The following SBF2 variants were observed in gnomAD, a reference collection of about 807,000 sequenced individuals.
SBF2 encodes the protein myotubularin-related protein 13.
A neutral mutation model predicts 225.2 loss-of-function variants in SBF2; 112 were observed. That is an observed-to-expected ratio of 0.50 (90% CI 0.43 to 0.58). The LOEUF (loss-of-function observed/expected upper bound fraction) is 0.58, where lower values mean the gene tolerates loss of function less well. SBF2 is among the 20% of genes least tolerant of loss of function. The pLI is 0.00. For synonymous variants in SBF2, 763 were observed against 773.3 expected, an observed-to-expected ratio of 0.99 and a Z score of 0.22; for missense variants, 1,996 against 2,206.2, an observed-to-expected ratio of 0.90 and a Z score of 1.91.
rs56057774 is a variant in SBF2 at position 9,782,874 on chromosome 11, G to GA, written c.5320-1237dup. Among the ~76,000 whole-genome samples the GA allele has an allele frequency of 6.6e-4, 76 of 114,814 alleles. 1 individual carries two copies. The highest frequency in any genetic ancestry group is 2.3e-3 in the East Asian group (9 of 3,948). The allele number at this position is 114,814 out of a possible 152,430, so 75.3% of individuals were successfully genotyped here. A position where few individuals can be genotyped will look rare whatever the true frequency, so the allele number is the denominator to read the frequency against. ...GACAAAGCGAGACTCTGTCTCAAAA[G>GA]AAAAAAAAAAAAAAAGAAAAAAGGA... On this transcript the variant is annotated intron_variant, in intron 38 of 39. Transcript: ENST00000256190.
chr11:9,950,864 T>C, intron 16 of SBF2, among the ~76,000 whole-genome samples: 1 of 152,232 alleles, frequency 6.6e-6, no homozygotes, highest in East Asian at 1.9e-4. Flanking sequence ...AACACATTCA[T>C]TTATTCATTT....
chr11:10,237,301 C>G (rs1362785441), intron 1 of SBF2, among the ~76,000 whole-genome samples: 2 of 152,062 alleles, frequency 1.3e-5, no homozygotes, highest in Non-Finnish European at 2.9e-5. Context: ...GAGCTGAGAG[C>G]GTGCCACTGC....
chr11:10,210,538 T>A (rs1957901140), intron 1 of SBF2, among the ~76,000 whole-genome samples: 1 of 151,658 alleles, frequency 6.6e-6, no homozygotes, highest in African/African-American at 2.4e-5. Context: ...AACACAAGAG[T>A]TTTATTTCTA....
intron 2 of SBF2, among the ~76,000 whole-genome samples, chr11:10,155,908 G>A (rs1267769869): frequency 6.6e-6 from 1 of 152,258 alleles, no homozygotes; most frequent in Non-Finnish European, 1.5e-5. Context: ...AGGAGCCCCT[G>A]TGGGGATGCC....
intron 2 of SBF2, among the ~76,000 whole-genome samples, chr11:10,118,554 T>C (rs1953275292): frequency 6.6e-6 from 1 of 152,124 alleles, no homozygotes; most frequent in Admixed American, 6.5e-5. Context: ...AGAAAATATT[T>C]ACAAAGAATT....
intron 2 of SBF2, among the ~76,000 whole-genome samples, chr11:10,097,275 C>T (rs1375796121): frequency 6.6e-6 from 1 of 152,222 alleles, no homozygotes; most frequent in East Asian, 1.9e-4. Flanking sequence ...AAACTTTCTG[C>T]AACCTTTAAG....
intron 2 of SBF2, among the ~76,000 whole-genome samples, chr11:10,185,755 T>A (rs1161357301): frequency 6.6e-5 from 10 of 152,142 alleles, no homozygotes; most frequent in Non-Finnish European, 1.2e-4. Flanking sequence ...TCGTACTTTT[T>A]AACAGCTGTA....
At position 10,053,771 on chromosome 11, in the gene SBF2, T is replaced by A. The variant is rs1279018388; in HGVS notation, c.142-10790A>T. Among the ~76,000 whole-genome samples, 13 of 149,924 alleles carry A rather than the reference T, an allele frequency of 8.7e-5. No homozygotes were observed. The East Asian group carries it at 2.5e-3, about 29-fold the overall frequency. On this transcript the variant is annotated intron_variant, in intron 2 of 39. Transcript: ENST00000256190. ...CTTGTCTCGGAAAAAAAAAAAAAAATTAACCAAGAGTAGTGGCATGCACCT... is the reference window on the plus strand; with the variant it reads ...CTTGTCTCGGAAAAAAAAAAAAAAAATAACCAAGAGTAGTGGCATGCACCT...
At chr11:10,143,122 C>T (rs1954723987) in intron 2 of SBF2, among the ~76,000 whole-genome samples, 1 of 152,078 alleles carries the variant, frequency 6.6e-6, no homozygotes, top group Non-Finnish European at 1.5e-5. Flanking sequence ...ATACGGTGGG[C>T]CCCCATCCTT....
intron 16 of SBF2, among the ~76,000 whole-genome samples, chr11:9,945,061 C>T (rs1865485863): frequency 6.6e-6 from 1 of 152,138 alleles, no homozygotes; most frequent in South Asian, 2.1e-4. Context: ...GCCATGATTG[C>T]ACCACTGCAC....
chr11:9,784,362 T>C lies in SBF2; in HGVS notation c.5308A>G (p.Thr1770Ala). ...TTTAAGAGTATTACCTGATGTTTTG[T>C]TACATCCAAAACAAACCAACGGGGC... ...WKPRWFVLDV[T>A]KHQLRYYDSG... is the part of the protein sequence containing the mutation. The change falls in exon 38 of 40, where the codon ACA becomes GCA. Residue 1770 changes from threonine (T) to alanine (A), a missense_variant. By Grantham distance (58) the Thr-to-Ala change is moderately conservative. Transcript: ENST00000256190. The C allele has an allele frequency of 6.2e-7, 1 of 1,612,820 alleles. No individual in the cohort carries two copies.
At chr11:10,161,816 T>A (rs12421685) in intron 2 of SBF2, among the ~76,000 whole-genome samples, 40,372 of 142,916 alleles carry the variant, frequency 0.28, 5,852 homozygotes, top group Middle Eastern at 0.34. Context: ...AAAAAAAAAA[T>A]AATAATTAAA....
chr11:9,931,888 G>A (rs999873659), intron 16 of SBF2, among the ~76,000 whole-genome samples: 1 of 152,136 alleles, frequency 6.6e-6, no homozygotes, highest in Non-Finnish European at 1.5e-5. Flanking sequence ...CTTGAAAAAA[G>A]GTTAGACGAA....
intron 16 of SBF2, among the ~76,000 whole-genome samples, chr11:9,901,570 T>C (rs1861718992): frequency 6.6e-6 from 1 of 152,196 alleles, no homozygotes; most frequent in African/African-American, 2.4e-5. Context: ...GATACCAGAT[T>C]ATAAACACGA....
intron 1 of SBF2, among the ~76,000 whole-genome samples, chr11:10,260,498 C>T (rs1430371463): frequency 2.0e-5 from 3 of 151,882 alleles, no homozygotes; most frequent in Non-Finnish European, 2.9e-5. Flanking sequence ...GGGCAGATCA[C>T]GAGGTCAGGA....
intron 16 of SBF2, among the ~76,000 whole-genome samples, chr11:9,952,965 C>A (rs762314804): frequency 6.6e-6 from 1 of 152,178 alleles, no homozygotes; most frequent in Non-Finnish European, 1.5e-5. Context: ...CTGTGGAAAA[C>A]AGTGTGGAGA....
At position 9,853,661 on chromosome 11, in the gene SBF2, A is replaced by C; in HGVS notation, c.2415T>G (p.Asp805Glu). The change falls in exon 20 of 40, where the codon GAT (aspartate) becomes GAG (glutamate). Residue 805 changes from aspartate (D) to glutamate (E), a missense_variant. Physicochemically the swap from Asp to Glu is conservative, Grantham distance 45. Coordinates refer to ENST00000256190, the MANE Select transcript of SBF2 (RefSeq NM_030962.4). Reference sequence around the variant, plus strand: ...AATTGGCAATGTCAGTATTCTCTGAATCTTCAAACCCACTCTCTGTATCAT... The same window carrying C: ...AATTGGCAATGTCAGTATTCTCTGACTCTTCAAACCCACTCTCTGTATCAT... ...ESYDTESGFEDSENTDIANSV... is the reference protein window; with the variant it reads ...ESYDTESGFEESENTDIANSV... The C allele has an allele frequency of 1.2e-6, 2 of 1,614,014 alleles. No homozygotes were observed. Among genetic ancestry groups the C allele is most frequent in the Non-Finnish European group, 1.7e-6 (2 of 1,179,930 alleles).
intron 1 of SBF2, among the ~76,000 whole-genome samples, chr11:10,273,979 G>T (rs898973001): frequency 2.6e-5 from 4 of 152,196 alleles, no homozygotes; most frequent in African/African-American, 9.7e-5. Context: ...CTGAAAAGGA[G>T]GAAACTATAC....
At chr11:10,184,629 C>A (rs1218719693) in intron 2 of SBF2, among the ~76,000 whole-genome samples, 1 of 152,198 alleles carries the variant, frequency 6.6e-6, no homozygotes, top group African/African-American at 2.4e-5. Flanking sequence ...CTTTCCCCAG[C>A]CCCTGGCAAC....
Sources: allele counts gnomAD v4.1 joint callset (sites outside exome capture counted in the v4.1 genomes callset), GRCh38; gene constraint gnomAD v4.1.1; transcripts MANE v1.5; gene names NCBI Gene and HGNC (gene_info 2026-07-23, HGNC 2026-07-21).